The following ATAD2B variants were observed in gnomAD, a reference collection of about 807,000 sequenced individuals.
ATAD2B encodes the protein ATPase family AAA domain-containing protein 2B.
Under a neutral mutation model 167.6 loss-of-function variants are expected in ATAD2B, and 40 were observed. The observed-to-expected ratio is 0.24, with a 90% CI of 0.19 to 0.31. The LOEUF is 0.31. Ranked by LOEUF, ATAD2B falls within the 10% of genes least tolerant of loss-of-function variation. The probability of loss-of-function intolerance (pLI) is 1.00; values close to 1 mark genes in which losing one functional copy is unlikely to be tolerated. For synonymous variants in ATAD2B, 579 were observed against 596.5 expected, an observed-to-expected ratio of 0.97 and a Z score of 0.43; for missense variants, 1,242 against 1,757.2, an observed-to-expected ratio of 0.71 and a Z score of 5.24.
intron 19 of ATAD2B, among the ~76,000 whole-genome samples, chr2:23,794,711 T>C (rs909349410): frequency 2.0e-5 from 3 of 152,064 alleles, no homozygotes; most frequent in Non-Finnish European, 4.4e-5. Flanking sequence ...TACTATTAAA[T>C]ATACTGTTTT....
At chr2:23,773,477 G>A (rs142665998) in intron 22 of ATAD2B, among the ~76,000 whole-genome samples, 2 of 152,246 alleles carry the variant, frequency 1.3e-5, no homozygotes, top group African/African-American at 4.8e-5. Context: ...AGCCATGATC[G>A]CACCACTGCA....
chr2:23,752,435 C>A (rs1174702657), intron 27 of ATAD2B, among the ~76,000 whole-genome samples: 1 of 150,460 alleles, frequency 6.6e-6, no homozygotes, highest in Non-Finnish European at 1.5e-5. Flanking sequence ...CAGATATTTA[C>A]TAAGAGATTT....
chr2:23,756,610 C>G (rs1675981319), intron 25 of ATAD2B, among the ~76,000 whole-genome samples: 2 of 152,144 alleles, frequency 1.3e-5, no homozygotes, highest in Non-Finnish European at 1.5e-5. Context: ...ACCCTTAACT[C>G]CCTCTTTCTG....
At chr2:23,782,281 T>C (rs924963766) in intron 22 of ATAD2B, among the ~76,000 whole-genome samples, 2 of 152,258 alleles carry the variant, frequency 1.3e-5, no homozygotes, top group African/African-American at 2.4e-5. Context: ...AAATCCTATA[T>C]GGTTCCCTAT....
chr2:23,792,956 C>A (rs1262052176), intron 19 of ATAD2B, among the ~76,000 whole-genome samples: 2 of 77,364 alleles, frequency 2.6e-5, no homozygotes, highest in African/African-American at 5.6e-5. Flanking sequence ...GCGAGAGACT[C>A]TGTCTCAAAA....
intron 11 of ATAD2B, among the ~76,000 whole-genome samples, chr2:23,864,572 G>C (rs1408850979): frequency 6.6e-6 from 1 of 152,122 alleles, no homozygotes; most frequent in Non-Finnish European, 1.5e-5. Context: ...TGTGTATTTA[G>C]GGCCCACAGA....
Position 23,880,710 on chromosome 2 carries a change from C to T in ATAD2B, c.830G>A (p.Gly277Glu). The T allele has an allele frequency of 6.2e-7, 1 of 1,610,530 alleles. No homozygotes were observed. Among genetic ancestry groups the T allele is most frequent in the Non-Finnish European group, 8.5e-7 (1 of 1,177,964 alleles). ...ATTATATGGTCTATCATTTTCTTCT[C>T]CTTCTGCCTCTTCAACTTCTATATC... The part of the protein sequence containing the change: ...DGDIEVEEAE[G>E]EENDRPYNLR... Residue 277 changes from glycine to glutamate, a missense_variant, in exon 7 of 28, where the codon GGA (glycine) becomes GAA (glutamate). Coordinates refer to ENST00000238789, the MANE Select transcript of ATAD2B (RefSeq NM_017552.4).
At chr2:23,685,336 G>C in the ATAD2B span, 11 of 152,254 alleles carry the variant, frequency 7.2e-5, no homozygotes, top group African/African-American at 2.7e-4. Context: ...CGTAGTAAGG[G>C]AGAGCAGCCA....
At chr2:23,887,002 G>C (rs992469514) in intron 4 of ATAD2B, among the ~76,000 whole-genome samples, 1 of 151,792 alleles carries the variant, frequency 6.6e-6, no homozygotes. Flanking sequence ...GGGGTGCTGG[G>C]CACGGTGGCT....
At chr2:23,921,770 T>C (rs1455976485) in intron 1 of ATAD2B, among the ~76,000 whole-genome samples, 3 of 152,338 alleles carry the variant, frequency 2.0e-5, no homozygotes, top group South Asian at 2.1e-4. Flanking sequence ...TACAATATAT[T>C]GTACCTATAT....
At chr2:23,733,977 T>G in the ATAD2B span, among the ~76,000 whole-genome samples, 1 of 152,200 alleles carries the variant, frequency 6.6e-6, no homozygotes, top group South Asian at 2.1e-4. Flanking sequence ...TTCTACTGTT[T>G]CCCCTGCCTG....
At position 23,867,582 on chromosome 2, in the gene ATAD2B, T is replaced by C. The variant is rs148086080; in HGVS notation, c.1188+253A>G. 3.9e-4 allele frequency among the ~76,000 whole-genome samples: 60 copies of C among 152,340 alleles called. No individual in the cohort carries two copies. The East Asian group carries it at 0.011, about 28-fold the overall frequency. On this transcript the variant is annotated intron_variant, in intron 10 of 27. Transcript: ENST00000238789. ...TTCAACAACAGCCCATTGTTCATCA[T>C]GGTTTATGAAGCCTTGCCCCTCATA...
chr2:23,873,028 G>T, intron 8 of ATAD2B: 1 of 644,772 alleles, frequency 1.6e-6, no homozygotes, highest in Non-Finnish European at 2.9e-6. Flanking sequence ...AGCGGGCTGG[G>T]GAGGCCCTAC....
chr2:23,921,230 A>AAAC (rs1558808649), intron 1 of ATAD2B, among the ~76,000 whole-genome samples: 1 of 141,546 alleles, frequency 7.1e-6, no homozygotes, highest in Non-Finnish European at 1.5e-5. Flanking sequence ...AAAAAAAAAA[A>AAAC]CAACCCAAAG....
At chr2:23,782,837 A>G (rs761053148) in intron 22 of ATAD2B, 32 bp downstream of exon 22, 9 of 1,563,340 alleles carry the variant, frequency 5.8e-6, no homozygotes, top group Non-Finnish European at 7.9e-6. Context: ...CTGATTGATT[A>G]TCAAGGGGAA....
At chr2:23,831,246 A>G (rs1234444775) in intron 14 of ATAD2B, among the ~76,000 whole-genome samples, 1 of 152,226 alleles carries the variant, frequency 6.6e-6, no homozygotes, top group African/African-American at 2.4e-5. Flanking sequence ...AATATATATT[A>G]CTTACAACAA....
the ATAD2B span, among the ~76,000 whole-genome samples, chr2:23,739,560 G>A: frequency 6.6e-6 from 1 of 151,908 alleles, no homozygotes; most frequent in African/African-American, 2.4e-5. Context: ...AGTGTGTAGA[G>A]GGAAATTTAT....
At chr2:23,878,852 T>A (rs189255124) in intron 7 of ATAD2B, among the ~76,000 whole-genome samples, 2 of 151,816 alleles carry the variant, frequency 1.3e-5, no homozygotes, top group African/African-American at 4.8e-5. Flanking sequence ...AACAACCCAA[T>A]TGAAAAAATG....
rs539628660 is a variant in ATAD2B at position 23,872,708 on chromosome 2, G to T, written c.978-2947C>A. On this transcript the variant is annotated intron_variant, in intron 8 of 27. Coordinates refer to ENST00000238789, the MANE Select transcript of ATAD2B (RefSeq NM_017552.4). ...CTCACCATGCTTTGCAGCAGTTTCT[G>T]CTTTACTGAGATCAGTCAGACCCCC... is the stretch of plus-strand genomic sequence containing the variant. 368 of 1,211,980 alleles carry T rather than the reference G, an allele frequency of 3.0e-4. 6 individuals are homozygous for T. The South Asian group carries it at 4.2e-3, about 14-fold the overall frequency. 75.1% of individuals were successfully genotyped at this position (1,211,980 alleles called of 1,614,324 possible). A position where few individuals can be genotyped will look rare whatever the true frequency, so the allele number is the denominator to read the frequency against.
Sources: allele counts gnomAD v4.1 joint callset (sites outside exome capture counted in the v4.1 genomes callset), GRCh38; gene constraint gnomAD v4.1.1; transcripts MANE v1.5; gene names NCBI Gene and HGNC (gene_info 2026-07-23, HGNC 2026-07-21).